The following GPC6 variants were observed in gnomAD, a reference collection of about 807,000 sequenced individuals.
GPC6 encodes glypican-6.
In GPC6, 14 loss-of-function variants were observed where a neutral mutation model predicts 55.2. That is an observed-to-expected ratio of 0.25 (90% CI 0.17 to 0.40). The LOEUF is 0.40. GPC6 is among the 10% of genes least tolerant of loss of function. GPC6 has a pLI of 1.00. For synonymous variants in GPC6, 278 were observed against 259.6 expected, an observed-to-expected ratio of 1.07 and a Z score of -0.68; for missense variants, 641 against 708.5, an observed-to-expected ratio of 0.90 and a Z score of 1.08.
At chr13:93,911,163 AG>A (rs1199547647) in intron 3 of GPC6, among the ~76,000 whole-genome samples, 7 of 152,230 alleles carry the variant, frequency 4.6e-5, no homozygotes, top group African/African-American at 1.7e-4. Context: ...AACAGAGTTT[AG>A]AGAGGCATTC....
At chr13:93,497,636 A>G (rs1214170227) in intron 1 of GPC6, among the ~76,000 whole-genome samples, 1 of 152,254 alleles carries the variant, frequency 6.6e-6, no homozygotes, top group African/African-American at 2.4e-5. Context: ...CACAATGTTG[A>G]TATAGTTTGA....
chr13:93,543,747 A>G (rs1376980181), intron 1 of GPC6, among the ~76,000 whole-genome samples: 1 of 152,100 alleles, frequency 6.6e-6, no homozygotes, highest in Admixed American at 6.6e-5. Flanking sequence ...GACTGATTCC[A>G]TATCTTGGCT....
At chr13:93,624,841 T>A (rs1325029116) in intron 2 of GPC6, among the ~76,000 whole-genome samples, 2 of 152,286 alleles carry the variant, frequency 1.3e-5, no homozygotes, top group East Asian at 3.9e-4. Context: ...GATAAACCTA[T>A]TCATAAGAAA....
chr13:93,940,234 C>T (rs755214342), intron 3 of GPC6, among the ~76,000 whole-genome samples: 27 of 151,946 alleles, frequency 1.8e-4, no homozygotes, highest in Non-Finnish European at 3.7e-4. Context: ...TTAATAGAAG[C>T]CATTACTTTT....
chr13:93,997,445 G>A (rs1407808625), intron 3 of GPC6, among the ~76,000 whole-genome samples: 1 of 152,114 alleles, frequency 6.6e-6, no homozygotes, highest in African/African-American at 2.4e-5. Context: ...ACTTGGTCAG[G>A]GGAAACTGAG....
chr13:93,528,464 TG>T (rs762254744), intron 1 of GPC6, among the ~76,000 whole-genome samples: 1 of 152,140 alleles, frequency 6.6e-6, no homozygotes, highest in Non-Finnish European at 1.5e-5. Context: ...AGAAGGTCAC[TG>T]GGAGGTGGTG....
chr13:94,272,473 T>C (rs1482578202), intron 4 of GPC6, among the ~76,000 whole-genome samples: 2 of 135,438 alleles, frequency 1.5e-5, no homozygotes, highest in African/African-American at 2.9e-5. Context: ...CTTTTTTTTT[T>C]TTTTTTTTTT....
intron 2 of GPC6, among the ~76,000 whole-genome samples, chr13:93,682,648 A>G (rs533012206): frequency 6.6e-6 from 1 of 152,162 alleles, no homozygotes; most frequent in Admixed American, 6.6e-5. Context: ...TGCTATTTAG[A>G]TTTCTCTGTT....
At chr13:93,345,642 A>G (rs1880401840) in intron 1 of GPC6, among the ~76,000 whole-genome samples, 1 of 152,224 alleles carries the variant, frequency 6.6e-6, no homozygotes, top group Admixed American at 6.5e-5. Flanking sequence ...TCATACACCC[A>G]CACAAAAATA....
At chr13:94,055,975 G>A (rs1400280324) in intron 4 of GPC6, among the ~76,000 whole-genome samples, 2 of 152,104 alleles carry the variant, frequency 1.3e-5, no homozygotes, top group East Asian at 1.9e-4. Context: ...TCTGATCATA[G>A]CACCACCACC....
chr13:93,500,785 G>A (rs1355658611), intron 1 of GPC6, among the ~76,000 whole-genome samples: 3 of 152,066 alleles, frequency 2.0e-5, no homozygotes, highest in Admixed American at 6.5e-5. Context: ...TAGACAATGA[G>A]CACTAAGAAC....
At chr13:94,309,754 T>C (rs1398137924) in intron 6 of GPC6, among the ~76,000 whole-genome samples, 3 of 136,262 alleles carry the variant, frequency 2.2e-5, no homozygotes, top group African/African-American at 7.6e-5. Context: ...AGCCATGATT[T>C]GTTGAGGATA....
chr13:94,038,438 A>G (rs545505430), intron 4 of GPC6, among the ~76,000 whole-genome samples: 19 of 151,892 alleles, frequency 1.3e-4, no homozygotes, highest in Non-Finnish European at 2.4e-4. Context: ...AGAAATTATC[A>G]TTTTCCAAAG....
intron 4 of GPC6, among the ~76,000 whole-genome samples, chr13:94,244,625 C>T (rs1430049592): frequency 6.6e-6 from 1 of 151,926 alleles, no homozygotes; most frequent in African/African-American, 2.4e-5. Flanking sequence ...AAAAAATAGT[C>T]ATAAGGTTAA....
intron 3 of GPC6, among the ~76,000 whole-genome samples, chr13:93,876,738 A>T (rs192290216): frequency 2.6e-5 from 4 of 152,140 alleles, no homozygotes; most frequent in Admixed American, 2.6e-4. Flanking sequence ...TCCAGGAAGA[A>T]TTTTTTTCTT....
rs140529388 is a variant in GPC6 at position 93,769,899 on chromosome 13, A to G, written c.320-60255A>G. Among the ~76,000 whole-genome samples, 1,344 of 152,304 alleles carry G rather than the reference A, an allele frequency of 8.8e-3. 9 individuals are homozygous for G. The highest frequency in any genetic ancestry group is 0.012 in the Non-Finnish European group (822 of 68,020). Reference sequence around the variant, plus strand: ...AAAACATGCTTTGACTTGACTCCAGACATACTGGGGCTTAAATCTCTGTAT... The same window carrying G: ...AAAACATGCTTTGACTTGACTCCAGGCATACTGGGGCTTAAATCTCTGTAT... On this transcript the variant is annotated intron_variant, in intron 2 of 8. Coordinates refer to ENST00000377047, the MANE Select transcript of GPC6 (RefSeq NM_005708.5).
chr13:93,398,018 T>G lies in GPC6; in HGVS notation c.161-147245T>G, dbSNP rs186849119. On this transcript the variant is annotated intron_variant, in intron 1 of 8. Coordinates refer to ENST00000377047, the MANE Select transcript of GPC6 (RefSeq NM_005708.5). ...TTGATTCTTCCAATAGTAAATTTGT[T>G]CTGGGTTCCTTTCTGGTTTGCTCTG... Among the ~76,000 whole-genome samples the G allele has an allele frequency of 3.9e-5, 6 of 152,300 alleles. No individual in the cohort carries two copies. In the East Asian group the frequency reaches 1.2e-3, roughly 29 times the overall value.
chr13:94,208,812 G>C (rs1340277968), intron 4 of GPC6, among the ~76,000 whole-genome samples: 1 of 144,976 alleles, frequency 6.9e-6, no homozygotes, highest in Non-Finnish European at 1.5e-5. Flanking sequence ...CCAGCTACTC[G>C]AGACGCTGAA....
intron 4 of GPC6, among the ~76,000 whole-genome samples, chr13:94,266,781 A>G (rs542343121): frequency 6.6e-6 from 1 of 152,300 alleles, no homozygotes; most frequent in East Asian, 1.9e-4. Context: ...AGAGTCCTAT[A>G]TCTCACAGGT....
Sources: allele counts gnomAD v4.1 joint callset (sites outside exome capture counted in the v4.1 genomes callset), GRCh38; gene constraint gnomAD v4.1.1; transcripts MANE v1.5; gene names NCBI Gene and HGNC (gene_info 2026-07-23, HGNC 2026-07-21).